STON2: variants seen among roughly 807,000 people sequenced by gnomAD.
STON2 encodes the protein stonin-2.
Under a neutral mutation model 65.7 loss-of-function variants are expected in STON2, and 29 were observed. That is an observed-to-expected ratio of 0.44 (90% confidence interval 0.33 to 0.60). The LOEUF is 0.60. Among genes scored for constraint, STON2 ranks in the 20% least tolerant of loss-of-function variants. The pLI is 0.03. For missense variants in STON2, 1,054 were observed against 1,118.1 expected, an observed-to-expected ratio of 0.94 and a Z score of 0.82; for synonymous variants, 404 against 414.2, an observed-to-expected ratio of 0.98 and a Z score of 0.30.
At chr14:81,382,599 G>A (rs1041234679) in intron 3 of STON2, among the ~76,000 whole-genome samples, 3 of 152,164 alleles carry the variant, frequency 2.0e-5, no homozygotes, top group African/African-American at 4.8e-5. Context: ...AGGGAAACAC[G>A]CAGGGCCTCC....
rs1555397665 is a variant in STON2 at position 81,306,220 on chromosome 14, C to CTATTTTTTTTTTTTTTTTTTTTTTTTTTT, written c.742+17796_742+17797insAAAAAAAAAAAAAAAAAAAAAAAAAAATA. Among the ~76,000 whole-genome samples, 2 of 69,490 alleles carry CTATTTTTTTTTTTTTTTTTTTTTTTTTTT rather than the reference C, an allele frequency of 2.9e-5. 1 individual carries two copies. 45.6% of individuals were successfully genotyped at this position (69,490 alleles called of 152,430 possible). ...TTATATATACACACACATACATACT[C>CTATTTTTTTTTTTTTTTTTTTTTTTTTTT]TTTTTTTTTTTTTTTTTTTTTTTTT... On this transcript the variant is annotated intron_variant, in intron 5 of 7. Transcript: ENST00000614646.
intron 7 of STON2, 137 bp downstream of exon 7, chr14:81,270,533 G>C (rs927502420): frequency 2.5e-6 from 4 of 1,574,920 alleles, no homozygotes; most frequent in Non-Finnish European, 3.5e-6. Flanking sequence ...CCACAGCTAT[G>C]TATGGTGAAC....
chr14:81,436,301 C>G (rs1902423521), intron 1 of STON2: 1 of 151,594 alleles, frequency 6.6e-6, no homozygotes, highest in Non-Finnish European at 1.5e-5. Context: ...CCTCCTGCTG[C>G]GGGGCGTGGG....
chr14:81,355,722 C>T (rs7158498), intron 4 of STON2, among the ~76,000 whole-genome samples: 224 of 152,298 alleles, frequency 1.5e-3, no homozygotes, highest in African/African-American at 5.1e-3. Flanking sequence ...AAACCCTTCA[C>T]GTCCCTTGTA....
intron 3 of STON2, among the ~76,000 whole-genome samples, chr14:81,378,187 G>A (rs960285683): frequency 6.6e-6 from 1 of 151,066 alleles, no homozygotes; most frequent in Non-Finnish European, 1.5e-5. Context: ...GTTGGGTTTT[G>A]AGATTTTTCT....
At chr14:81,370,813 T>C (rs1898948742) in intron 4 of STON2, among the ~76,000 whole-genome samples, 175 bp downstream of exon 4, 1 of 152,244 alleles carries the variant, frequency 6.6e-6, no homozygotes. Context: ...TGTGTATACA[T>C]CTTCCCCAAT....
At chr14:81,371,912 A>C (rs984298055) in intron 3 of STON2, among the ~76,000 whole-genome samples, 4 of 152,102 alleles carry the variant, frequency 2.6e-5, no homozygotes, top group African/African-American at 7.2e-5. Flanking sequence ...CATTAGAGCC[A>C]GTTTAGGTTA....
chr14:81,422,896 G>A (rs1372808056), intron 2 of STON2, among the ~76,000 whole-genome samples: 1 of 152,078 alleles, frequency 6.6e-6, no homozygotes, highest in Non-Finnish European at 1.5e-5. Context: ...TTAGCTGGGT[G>A]TGGAGGTATG....
intron 4 of STON2, among the ~76,000 whole-genome samples, chr14:81,331,720 AG>A (rs1897224148): frequency 6.6e-6 from 1 of 152,216 alleles, no homozygotes; most frequent in Non-Finnish European, 1.5e-5. Context: ...TTGGGTTAAA[AG>A]CTGCATTGTC....
In STON2 at chr14:81,268,102, A is replaced by G. The variant is rs1181613121; in HGVS notation, c.*312T>C. 3.9e-6 allele frequency: 4 copies of G among 1,025,632 alleles called. No individual in the cohort carries two copies. Among genetic ancestry groups the G allele is most frequent in the East Asian group, 1.9e-4 (2 of 10,512 alleles). The allele number at this position is 1,025,632 out of a possible 1,614,324, so 63.5% of individuals were successfully genotyped here. A position where few individuals can be genotyped will look rare whatever the true frequency, so the allele number is the denominator to read the frequency against. On this transcript the variant is annotated 3_prime_UTR_variant, in exon 8 of 8. Transcript: ENST00000614646. ...GACTGTAACAGTCACAACAAACCAC[A>G]TACCAGTGCTGTGAGATAAGCAGAG... is the stretch of plus-strand genomic sequence containing the variant.
rs138608631 is a variant in STON2 at position 81,435,237 on chromosome 14, G to T, written c.-310+1084C>A. 2.7e-3 allele frequency among the ~76,000 whole-genome samples: 417 copies of T among 152,268 alleles called. 3 individuals carry two copies. Among genetic ancestry groups the T allele is most frequent in the African/African-American group, 9.4e-3 (391 of 41,544 alleles). ...CCCAAAAGGACATGCTACCTTTAAA[G>T]ATACCATCGGTCTCATTAATAATAG... On this transcript the variant is annotated intron_variant, in intron 1 of 8. Transcript: ENST00000553821.
chr14:81,272,321 A>G (rs911704392), intron 6 of STON2, among the ~76,000 whole-genome samples: 3 of 152,194 alleles, frequency 2.0e-5, no homozygotes, highest in African/African-American at 7.2e-5. Flanking sequence ...AAAACAGAAG[A>G]CCAAGTTTGC....
rs572915884 is a variant in STON2, at chr14:81,348,712, C to T, written c.571+22276G>A. 2.0e-5 allele frequency among the ~76,000 whole-genome samples: 3 copies of T among 151,976 alleles called. No homozygotes were observed. The East Asian group carries it at 5.8e-4, about 29-fold the overall frequency. On this transcript the variant is annotated intron_variant, in intron 4 of 7. Coordinates refer to ENST00000614646, the MANE Select transcript of STON2 (RefSeq NM_001394390.1). Reference sequence around the variant, plus strand: ...AGAGTCAATGTAATCCCTATCAAAACGCCAATGACATTCTTCTCAAAAATA... The same window carrying T: ...AGAGTCAATGTAATCCCTATCAAAATGCCAATGACATTCTTCTCAAAAATA...
intron 4 of STON2, among the ~76,000 whole-genome samples, chr14:81,366,503 G>T (rs28680192): frequency 7.2e-5 from 11 of 151,818 alleles, no homozygotes; most frequent in African/African-American, 2.7e-4. Context: ...AGGGAGCTCC[G>T]GATGAGACTG....
upstream of STON2, among the ~76,000 whole-genome samples, chr14:81,401,065 C>A (rs772816017): frequency 1.3e-5 from 2 of 152,172 alleles, no homozygotes; most frequent in Non-Finnish European, 2.9e-5. Flanking sequence ...TTAAATGACT[C>A]GCCCAACGTT....
intron 5 of STON2, among the ~76,000 whole-genome samples, chr14:81,308,716 A>T (rs567250150): frequency 1.3e-5 from 2 of 149,810 alleles, no homozygotes; most frequent in Non-Finnish European, 3.0e-5. Context: ...AGAATAAAAG[A>T]ACTGAGGGAG....
chr14:81,339,580 A>G (rs1488815325), intron 4 of STON2, among the ~76,000 whole-genome samples: 1 of 152,132 alleles, frequency 6.6e-6, no homozygotes, highest in Non-Finnish European at 1.5e-5. Flanking sequence ...TGAAGTTCAG[A>G]GCCAAGAACA....
rs190478531 is a variant in STON2 at position 81,305,232 on chromosome 14, T to G, written c.742+18785A>C. Reference sequence around the variant, plus strand: ...TGAATATTCTTGCACATGCCTTTGATGCACACATGCTTGCTTCTGTCTTGG... The same window carrying G: ...TGAATATTCTTGCACATGCCTTTGAGGCACACATGCTTGCTTCTGTCTTGG... On this transcript the variant is annotated intron_variant, in intron 5 of 7. Coordinates refer to ENST00000614646, the MANE Select transcript of STON2 (RefSeq NM_001394390.1). 1.1e-3 allele frequency among the ~76,000 whole-genome samples: 160 copies of G among 152,362 alleles called. 2 individuals carry two copies. The highest frequency in any genetic ancestry group is 3.5e-3 in the African/African-American group (144 of 41,590).
intron 3 of STON2, among the ~76,000 whole-genome samples, chr14:81,378,833 T>G (rs1450410122): frequency 6.6e-6 from 1 of 152,152 alleles, no homozygotes; most frequent in East Asian, 1.9e-4. Flanking sequence ...AAGAGAAAAA[T>G]CTTACCATCA....
Sources: gnomAD v4.1 joint callset for allele counts (sites outside exome capture counted in the v4.1 genomes callset) on GRCh38, gnomAD v4.1.1 for gene constraint, MANE v1.5 for transcripts, NCBI Gene and HGNC (gene_info 2026-07-23, HGNC 2026-07-21) for gene names.